Variants in SMAD6 observed in about 807,000 individuals in gnomAD.
SMAD6 encodes SMAD family member 6.
SMAD6 carries 103 observed loss-of-function variants against 39.4 expected under a neutral mutation model. The ratio of observed to expected loss-of-function variants is 2.62; its 90% confidence interval spans 2.23 to 3.08. The LOEUF is 3.08. Ranked by LOEUF, SMAD6 falls within the 30% of genes most tolerant of loss-of-function variation. SMAD6 has a pLI of 0.00. For synonymous variants in SMAD6, 445 were observed against 353.3 expected, an observed-to-expected ratio of 1.26 and a Z score of -2.91; for missense variants, 1,104 against 742.9, an observed-to-expected ratio of 1.49 and a Z score of -5.65.
intron 3 of SMAD6, chr15:66,716,858 A>G (rs1384521991): frequency 3.5e-6 from 2 of 572,716 alleles, no homozygotes; most frequent in Non-Finnish European, 2.7e-6. Context: ...TGTGGTATAC[A>G]TTTGTCTTCC....
chr15:66,720,403 C>G (rs1195972825), intron 3 of SMAD6, among the ~76,000 whole-genome samples: 1 of 152,118 alleles, frequency 6.6e-6, no homozygotes, highest in Non-Finnish European at 1.5e-5. Context: ...GCTTTAAGCC[C>G]TGGGTGAGGG....
chr15:66,781,167 CAG>C lies in SMAD6; in HGVS notation c.1124_1125del (p.Gln375ProfsTer189). 6.2e-7 allele frequency: 1 copy of C among 1,607,944 alleles called. No individual in the cohort carries two copies. Among genetic ancestry groups the C allele is most frequent in the Non-Finnish European group, 8.5e-7 (1 of 1,179,754 alleles). ...CTGCCTGGGCCAGCTCAACCTGGAGCAGCGCAGCGAGTCGGTGCGGCGAACGC... is the reference window on the plus strand; with the variant it reads ...CTGCCTGGGCCAGCTCAACCTGGAGCCGCAGCGAGTCGGTGCGGCGAACGC... The part of the protein sequence containing the change: ...GFCLGQLNLE[Q>X]RSESVRRTRS... On this transcript the variant is annotated frameshift_variant, in exon 4 of 4. Coordinates refer to ENST00000288840, the MANE Select transcript of SMAD6 (RefSeq NM_005585.5). LOFTEE classifies it high-confidence loss of function.
chr15:66,729,430 C>A (rs1032724407), intron 3 of SMAD6, among the ~76,000 whole-genome samples: 1 of 152,224 alleles, frequency 6.6e-6, no homozygotes, highest in African/African-American at 2.4e-5. Flanking sequence ...CATTCCTGTA[C>A]CCCGGGAGCA....
intron 3 of SMAD6, among the ~76,000 whole-genome samples, chr15:66,729,139 G>A (rs185882523): frequency 3.9e-5 from 6 of 152,228 alleles, no homozygotes; most frequent in African/African-American, 1.4e-4. Flanking sequence ...CCTAGAGCAG[G>A]ATCTCCCCTC....
At position 66,781,060 on chromosome 15, in the gene SMAD6, A is replaced by T. The variant is rs142278375; in HGVS notation, c.1016A>T (p.His339Leu). Residue 339 changes from histidine to leucine, a missense_variant, in exon 4 of 4, where the codon CAC (histidine) becomes CTC (leucine). Physicochemically the swap from His to Leu is moderately conservative, Grantham distance 99 (BLOSUM62 -3). Coordinates refer to ENST00000288840, the MANE Select transcript of SMAD6 (RefSeq NM_005585.5). The stretch of plus-strand genomic sequence containing the variant: ...TGGTGCAGCGTGGCGTACTGGGAGC[A>T]CCGGACGCGCGTGGGCCGCCTCTAT... ...SHWCSVAYWEHRTRVGRLYAV... is the reference protein window; with the variant it reads ...SHWCSVAYWELRTRVGRLYAV... 16 of 1,603,318 alleles carry T rather than the reference A, an allele frequency of 1.0e-5. No homozygotes were observed. The highest frequency in any genetic ancestry group is 1.4e-5 in the Non-Finnish European group (16 of 1,178,440).
intron 3 of SMAD6, among the ~76,000 whole-genome samples, chr15:66,769,791 C>G (rs141505035): frequency 6.6e-6 from 1 of 152,198 alleles, no homozygotes; most frequent in South Asian, 2.1e-4. Flanking sequence ...CAAGTTCTCT[C>G]AGCTCTGGGA....
chr15:66,723,299 CT>C (rs1214353463), intron 3 of SMAD6, among the ~76,000 whole-genome samples: 2 of 152,214 alleles, frequency 1.3e-5, no homozygotes, highest in Non-Finnish European at 2.9e-5. Flanking sequence ...AGCTTTTAGA[CT>C]CCCCATGGCC....
At position 66,735,459 on chromosome 15, in the gene SMAD6, A is replaced by C. The variant is rs79604572; in HGVS notation, c.952+18961A>C. On this transcript the variant is annotated intron_variant, in intron 3 of 3. Transcript: ENST00000288840. ...GCCAAAACAAACAAGCCAAACACCAAATAAAAGGGGCTAGATGAAGCAAGT... is the reference window on the plus strand; with the variant it reads ...GCCAAAACAAACAAGCCAAACACCACATAAAAGGGGCTAGATGAAGCAAGT... Among the ~76,000 whole-genome samples, 337 of 152,312 alleles carry C rather than the reference A, an allele frequency of 2.2e-3. 1 individual carries two copies. The highest frequency in any genetic ancestry group is 7.6e-3 in the African/African-American group (317 of 41,570).
chr15:66,745,409 C>T (rs906715693), intron 3 of SMAD6, among the ~76,000 whole-genome samples: 10 of 151,902 alleles, frequency 6.6e-5, no homozygotes, highest in East Asian at 1.9e-4. Context: ...CTCCTCACCC[C>T]GACCTGGCTT....
At chr15:66,729,386 T>C (rs1228072082) in intron 3 of SMAD6, among the ~76,000 whole-genome samples, 4 of 152,182 alleles carry the variant, frequency 2.6e-5, no homozygotes, top group Admixed American at 1.3e-4. Flanking sequence ...GTGTTTCCAA[T>C]AAACTGGGCC....
rs199531653 is a variant in SMAD6, at chr15:66,781,042, G to C, written c.998G>C (p.Ser333Thr). 2.0e-4 allele frequency: 314 copies of C among 1,600,588 alleles called. No homozygotes were observed. Among genetic ancestry groups the C allele is most frequent in the Non-Finnish European group, 2.5e-4 (292 of 1,177,866 alleles). Residue 333 changes from serine to threonine, a missense_variant, in exon 4 of 4, where the codon AGC becomes ACC. Physicochemically the swap from Ser to Thr is moderately conservative, Grantham distance 58 (BLOSUM62 1). Transcript: ENST00000288840. ...PDATKPSHWC[S>T]VAYWEHRTRV... The stretch of plus-strand genomic sequence containing the variant: ...GCCACCAAGCCGAGCCACTGGTGCA[G>C]CGTGGCGTACTGGGAGCACCGGACG...
At chr15:66,738,289 C>T (rs192989783) in intron 3 of SMAD6, among the ~76,000 whole-genome samples, 2 of 152,268 alleles carry the variant, frequency 1.3e-5, no homozygotes, top group East Asian at 3.9e-4. Context: ...GAAGGCTGCT[C>T]GAGGGAGGAT....
At chr15:66,723,125 GT>G in intron 3 of SMAD6, among the ~76,000 whole-genome samples, 1 of 152,114 alleles carries the variant, frequency 6.6e-6, no homozygotes. Context: ...TTCTCCCGTC[GT>G]TGGCCAAAAG....
chr15:66,711,590 C>A, intron 1 of SMAD6, 78 bp from the exon 2 acceptor site: 1 of 1,099,564 alleles, frequency 9.1e-7, no homozygotes, highest in Non-Finnish European at 1.4e-6. Context: ...ATTTGGGAAA[C>A]CAGTAATTAA....
intron 3 of SMAD6, among the ~76,000 whole-genome samples, chr15:66,754,898 A>G (rs1894070642): frequency 6.6e-6 from 1 of 152,004 alleles, no homozygotes; most frequent in African/African-American, 2.4e-5. Context: ...TGGGGGTGCT[A>G]ATGTGTCTCA....
intron 3 of SMAD6, among the ~76,000 whole-genome samples, chr15:66,763,788 A>T (rs761686224): frequency 1.3e-5 from 2 of 152,188 alleles, no homozygotes; most frequent in Non-Finnish European, 2.9e-5. Context: ...GGGGTTCCAC[A>T]CAGGGGTGGG....
intron 3 of SMAD6, among the ~76,000 whole-genome samples, chr15:66,780,640 T>C (rs1894541874): frequency 6.6e-6 from 1 of 152,124 alleles, no homozygotes; most frequent in Non-Finnish European, 1.5e-5. Flanking sequence ...GCCCCTCCTT[T>C]GGGGGCGTGC....
chr15:66,734,316 T>C (rs1893677951), intron 3 of SMAD6, among the ~76,000 whole-genome samples: 1 of 152,216 alleles, frequency 6.6e-6, no homozygotes, highest in Non-Finnish European at 1.5e-5. Flanking sequence ...GTTCTGGGCA[T>C]GGCAAGGGGA....
chr15:66,729,784 T>G (rs1200991328), intron 3 of SMAD6, among the ~76,000 whole-genome samples: 1 of 152,072 alleles, frequency 6.6e-6, no homozygotes, highest in Non-Finnish European at 1.5e-5. Context: ...GGAAATAACT[T>G]ATTAAAGGGG....
Sources: allele counts gnomAD v4.1 joint callset (sites outside exome capture counted in the v4.1 genomes callset), GRCh38; gene constraint gnomAD v4.1.1; transcripts MANE v1.5; gene names NCBI Gene and HGNC (gene_info 2026-07-23, HGNC 2026-07-21).